The following ALCAM variants were observed in gnomAD, a reference collection of about 807,000 sequenced individuals.
ALCAM encodes CD166 antigen.
Under a neutral mutation model 70.9 loss-of-function variants are expected in ALCAM, and 30 were observed. The observed-to-expected ratio is 0.42, with a 90% CI of 0.32 to 0.57. ALCAM has a LOEUF of 0.57. Among genes scored for constraint, ALCAM ranks in the 20% least tolerant of loss-of-function variants. The pLI is 0.11. For missense variants in ALCAM, 591 were observed against 695.1 expected (o/e 0.85, Z 1.68); for synonymous variants, 249 against 242.5 (o/e 1.03, Z -0.25).
Position 105,509,791 on chromosome 3 carries a change from T to C in ALCAM, c.74-10276T>C, listed in dbSNP as rs1329583769. ...CTTTTGGTGTCTTATCCAAAAAAAT[T>C]ATTGCCAAGTCCAATGTCAAAGAGC... On this transcript the variant is annotated intron_variant, in intron 1 of 15. Coordinates refer to ENST00000306107, the MANE Select transcript of ALCAM (RefSeq NM_001627.4). 2.6e-5 allele frequency among the ~76,000 whole-genome samples: 4 copies of C among 152,138 alleles called. No homozygotes were observed. In the East Asian group the frequency reaches 7.7e-4, roughly 29 times the overall value.
intron 1 of ALCAM, among the ~76,000 whole-genome samples, chr3:105,503,028 G>T (rs1938966497): frequency 6.6e-6 from 1 of 152,198 alleles, no homozygotes; most frequent in African/African-American, 2.4e-5. Flanking sequence ...TAAGCACAAA[G>T]CTTAAGAAAA....
rs1940970186 is a variant in ALCAM, at chr3:105,576,858, C to G, written c.*2407C>G. 6.6e-6 allele frequency: 1 copy of G among 152,138 alleles called. No homozygotes were observed. The highest frequency in any genetic ancestry group is 2.4e-5 in the African/African-American group (1 of 41,426). The allele number at this position is 152,138 out of a possible 1,614,324, so 9.4% of individuals were successfully genotyped here. On this transcript the variant is annotated 3_prime_UTR_variant, in exon 16 of 16. Coordinates refer to ENST00000306107, the MANE Select transcript of ALCAM (RefSeq NM_001627.4). The stretch of plus-strand genomic sequence containing the variant: ...TTGTTTGTGGAAATGGATTAACATA[C>G]CCGTCTATGCCTAAAAGATAATAAA...
At chr3:105,501,957 T>C (rs1192297715) in intron 1 of ALCAM, among the ~76,000 whole-genome samples, 1 of 152,146 alleles carries the variant, frequency 6.6e-6, no homozygotes, top group Admixed American at 6.5e-5. Context: ...TGATATAGAG[T>C]TAGAAACCAA....
At position 105,501,374 on chromosome 3, in the gene ALCAM, AAGG is replaced by A. The variant is rs1938915389; in HGVS notation, c.74-18690_74-18688del. Among the ~76,000 whole-genome samples the A allele has an allele frequency of 2.0e-5, 3 of 152,208 alleles. No individual in the cohort carries two copies. In the South Asian group the frequency reaches 6.2e-4, roughly 31 times the overall value. On this transcript the variant is annotated intron_variant, in intron 1 of 15. Coordinates refer to ENST00000306107, the MANE Select transcript of ALCAM (RefSeq NM_001627.4). ...TGTGCTTATAGAAATAACAGTTATC[AAGG>A]AGATGTTTATTTACATTCTGAATAA...
At chr3:105,385,486 G>A (rs1231139022) in intron 1 of ALCAM, among the ~76,000 whole-genome samples, 2 of 151,570 alleles carry the variant, frequency 1.3e-5, no homozygotes, top group African/African-American at 2.4e-5. Flanking sequence ...TGGACCAGTA[G>A]CATCATGATG....
At chr3:105,465,648 C>A (rs1328033850) in intron 1 of ALCAM, among the ~76,000 whole-genome samples, 1 of 151,404 alleles carries the variant, frequency 6.6e-6, no homozygotes, top group East Asian at 1.9e-4. Flanking sequence ...TTGAATCTAT[C>A]AAGGTTGATA....
At chr3:105,404,854 A>G (rs1025145570) in intron 1 of ALCAM, among the ~76,000 whole-genome samples, 4 of 152,194 alleles carry the variant, frequency 2.6e-5, no homozygotes, top group African/African-American at 9.6e-5. Context: ...CTCACCTAAC[A>G]CATAATGATT....
intron 1 of ALCAM, among the ~76,000 whole-genome samples, chr3:105,374,891 G>C (rs1320410111): frequency 6.6e-6 from 1 of 152,136 alleles, no homozygotes; most frequent in East Asian, 1.9e-4. Context: ...GTATTCCCTT[G>C]GCAATAATTG....
At chr3:105,556,692 G>A (rs1940525177) in intron 14 of ALCAM, among the ~76,000 whole-genome samples, 1 of 151,848 alleles carries the variant, frequency 6.6e-6, no homozygotes, top group African/African-American at 2.4e-5. Context: ...CTTCCTGTTG[G>A]TGTCTCTTAA....
intron 3 of ALCAM, among the ~76,000 whole-genome samples, chr3:105,527,921 G>C (rs892619474): frequency 2.7e-5 from 4 of 150,456 alleles, no homozygotes; most frequent in Admixed American, 2.7e-4. Context: ...GGGGCATTGA[G>C]GGGGGAGGAA....
chr3:105,401,335 A>G (rs186548587), intron 1 of ALCAM, among the ~76,000 whole-genome samples: 2 of 152,240 alleles, frequency 1.3e-5, no homozygotes, highest in Admixed American at 6.5e-5. Flanking sequence ...GCTGACTCCT[A>G]TACACAACTA....
chr3:105,564,145 G>A (rs1404662159), intron 14 of ALCAM, among the ~76,000 whole-genome samples: 1 of 151,700 alleles, frequency 6.6e-6, no homozygotes, highest in East Asian at 1.9e-4. Context: ...GCTTATGGGT[G>A]TAGTGTTGTA....
chr3:105,390,480 T>C (rs886383575), intron 1 of ALCAM, among the ~76,000 whole-genome samples: 17 of 152,090 alleles, frequency 1.1e-4, no homozygotes, highest in African/African-American at 4.1e-4. Flanking sequence ...TTTAAGTTCC[T>C]TGCAGACCCT....
chr3:105,372,271 G>A (rs554210733), intron 1 of ALCAM, among the ~76,000 whole-genome samples: 4 of 152,090 alleles, frequency 2.6e-5, no homozygotes, highest in South Asian at 2.1e-4. Flanking sequence ...CCTATAGTAC[G>A]TAAGTCATTA....
Position 105,541,764 on chromosome 3 carries a change from C to A in ALCAM, c.990C>A (p.His330Gln), listed in dbSNP as rs113437461. ...TTGCTTCAACAGCTATCACAGTTCA[C>A]TGTAAGTCACCTACTTCTTCATCAG... ...SMIASTAITVHYLDLSLNPSG... is the reference protein window; with the variant it reads ...SMIASTAITVQYLDLSLNPSG... The change falls in exon 8 of 16, where the codon CAC (histidine) becomes CAA (glutamine). Residue 330 changes from histidine to glutamine, a missense_variant and splice_region_variant. Around this residue, in one of 2 missense-constraint regions of ALCAM, gnomAD observed 427 missense variants for 450.4 expected, o/e 0.95. Coordinates refer to ENST00000306107, the MANE Select transcript of ALCAM (RefSeq NM_001627.4). 5.0e-6 allele frequency: 8 copies of A among 1,611,684 alleles called. No homozygotes were observed. Among genetic ancestry groups the A allele is most frequent in the Admixed American group, 1.7e-5 (1 of 59,880 alleles).
At chr3:105,569,699 T>C (rs989177679) in intron 14 of ALCAM, among the ~76,000 whole-genome samples, 1 of 152,212 alleles carries the variant, frequency 6.6e-6, no homozygotes, top group African/African-American at 2.4e-5. Flanking sequence ...TTATGTGCTA[T>C]GGATAAAATA....
intron 1 of ALCAM, among the ~76,000 whole-genome samples, chr3:105,373,956 C>T (rs1935309342): frequency 6.6e-6 from 1 of 152,092 alleles, no homozygotes; most frequent in Non-Finnish European, 1.5e-5. Context: ...CATGAAAGAA[C>T]AGAGTGGGAC....
At chr3:105,416,180 T>A (rs1482527867) in intron 1 of ALCAM, among the ~76,000 whole-genome samples, 1 of 152,090 alleles carries the variant, frequency 6.6e-6, no homozygotes, top group East Asian at 1.9e-4. Flanking sequence ...GATAAGACTC[T>A]CCTTATCACT....
chr3:105,468,306 TA>T (rs964555665), intron 1 of ALCAM, among the ~76,000 whole-genome samples: 1 of 151,258 alleles, frequency 6.6e-6, no homozygotes, highest in Non-Finnish European at 1.5e-5. Flanking sequence ...AATAAATTAG[TA>T]AAAAGTTTGG....
Sources: allele counts gnomAD v4.1 joint callset (sites outside exome capture counted in the v4.1 genomes callset), GRCh38; gene constraint gnomAD v4.1.1; regional missense constraint gnomAD v4.1.1; transcripts MANE v1.5; gene names NCBI Gene and HGNC (gene_info 2026-07-23, HGNC 2026-07-21).